Variants in SLC35D4 observed in about 807,000 individuals in gnomAD.
SLC35D4 encodes solute carrier family 35 member D4, also known as UDP-N-acetylglucosamine transporter SLC35D4.
At chr18:23,309,005 C>T in the SLC35D4 span, among the ~76,000 whole-genome samples, 1 of 151,964 alleles carries the variant, frequency 6.6e-6, no homozygotes, top group Non-Finnish European at 1.5e-5. Flanking sequence ...AACCCATGCA[C>T]ATCCTCCTGT....
the SLC35D4 span, chr18:23,365,512 C>T: frequency 4.3e-6 from 5 of 1,158,700 alleles, no homozygotes; most frequent in Non-Finnish European, 6.1e-6. Context: ...GACCTTCCTG[C>T]CCTCTCAGTC....
At chr18:23,330,442 A>G in the SLC35D4 span, among the ~76,000 whole-genome samples, 1 of 152,140 alleles carries the variant, frequency 6.6e-6, no homozygotes, top group Non-Finnish European at 1.5e-5. Context: ...TAGAGATGTC[A>G]TGGGTCAAAA....
chr18:23,346,679 C>T, the SLC35D4 span, among the ~76,000 whole-genome samples: 1 of 152,132 alleles, frequency 6.6e-6, no homozygotes, highest in Non-Finnish European at 1.5e-5. Flanking sequence ...AGGATTTTCA[C>T]AGATTTTATC....
the SLC35D4 span, among the ~76,000 whole-genome samples, chr18:23,279,721 G>C: frequency 6.6e-6 from 1 of 152,086 alleles, no homozygotes; most frequent in East Asian, 1.9e-4. Context: ...CCCTGCTGAG[G>C]CCTTGAATTT....
the SLC35D4 span, among the ~76,000 whole-genome samples, chr18:23,238,540 A>G: frequency 1.3e-5 from 2 of 152,224 alleles, no homozygotes; most frequent in Non-Finnish European, 2.9e-5. Flanking sequence ...CTTCCACTCT[A>G]TGATCTGTTT....
chr18:23,345,481 CAAAAAAAA>C, the SLC35D4 span, among the ~76,000 whole-genome samples: 2 of 57,248 alleles, frequency 3.5e-5, no homozygotes, highest in East Asian at 1.3e-3. Flanking sequence ...GACTCCATCT[CAAAAAAAA>C]AAAAAAAAAA....
At chr18:23,377,633 G>A in the SLC35D4 span, 34 of 1,574,118 alleles carry the variant, frequency 2.2e-5, no homozygotes, top group Non-Finnish European at 2.9e-5. Flanking sequence ...TGGGGGGAGG[G>A]CAGTAAACTT....
the SLC35D4 span, among the ~76,000 whole-genome samples, chr18:23,332,523 T>G: frequency 2.0e-5 from 3 of 152,236 alleles, no homozygotes; most frequent in Non-Finnish European, 4.4e-5. Context: ...ACCATTCTTT[T>G]GGGTGTGTGA....
the SLC35D4 span, among the ~76,000 whole-genome samples, chr18:23,384,474 C>T: frequency 6.6e-6 from 1 of 152,180 alleles, no homozygotes; most frequent in Admixed American, 6.5e-5. Context: ...AGTTACTTAA[C>T]AGTGATAGTT....
chr18:23,253,109 C>A, the SLC35D4 span: 1 of 1,063,608 alleles, frequency 9.4e-7, no homozygotes, highest in South Asian at 1.3e-5. Flanking sequence ...CCTGCAAACC[C>A]CTCTTTCCAC....
At chr18:23,312,923 C>G in the SLC35D4 span, among the ~76,000 whole-genome samples, 1 of 151,864 alleles carries the variant, frequency 6.6e-6, no homozygotes, top group East Asian at 1.9e-4. Context: ...GTCAGGAGAT[C>G]AAGACCATCC....
chr18:23,283,547 C>G, the SLC35D4 span, among the ~76,000 whole-genome samples: 3 of 151,132 alleles, frequency 2.0e-5, no homozygotes, highest in Non-Finnish European at 4.4e-5. Flanking sequence ...CAGTGGCTCA[C>G]GCCTCTAATC....
the SLC35D4 span, among the ~76,000 whole-genome samples, chr18:23,408,290 C>T: frequency 1.3e-5 from 2 of 152,176 alleles, no homozygotes; most frequent in African/African-American, 4.8e-5. Context: ...AATGCCAGTT[C>T]CACAAGGGCA....
At chr18:23,299,469 GGATTCAC>G in the SLC35D4 span, among the ~76,000 whole-genome samples, 1 of 152,182 alleles carries the variant, frequency 6.6e-6, no homozygotes, top group Non-Finnish European at 1.5e-5. Context: ...TTTGGTCACC[GGATTCAC>G]ATGCGTCTCC....
chr18:23,388,882 T>C, the SLC35D4 span, among the ~76,000 whole-genome samples: 1 of 152,144 alleles, frequency 6.6e-6, no homozygotes, highest in Non-Finnish European at 1.5e-5. Flanking sequence ...CCTTCCACCA[T>C]GATTGTAAGT....
chr18:23,277,194 C>T, the SLC35D4 span, among the ~76,000 whole-genome samples: 1 of 152,178 alleles, frequency 6.6e-6, no homozygotes, highest in Non-Finnish European at 1.5e-5. Flanking sequence ...TGGCATAATT[C>T]CCACATGTTG....
chr18:23,307,643 C>T, the SLC35D4 span, among the ~76,000 whole-genome samples: 2 of 152,238 alleles, frequency 1.3e-5, no homozygotes, highest in Admixed American at 1.3e-4. Context: ...GAGCCCGGGG[C>T]GCTGGTCACA....
At chr18:23,405,881 A>AG in the SLC35D4 span, among the ~76,000 whole-genome samples, 1 of 152,230 alleles carries the variant, frequency 6.6e-6, no homozygotes, top group African/African-American at 2.4e-5. Flanking sequence ...TTCAATAGTT[A>AG]GTCACCTGGT....
chr18:23,398,512 T>A, the SLC35D4 span, among the ~76,000 whole-genome samples: 1 of 152,182 alleles, frequency 6.6e-6, no homozygotes, highest in Admixed American at 6.6e-5. Context: ...GCAAGCCTCG[T>A]GGTCTGAGCT....
Sources: allele counts gnomAD v4.1 joint callset (sites outside exome capture counted in the v4.1 genomes callset), GRCh38; gene constraint gnomAD v4.1.1; transcripts MANE v1.5; gene names NCBI Gene and HGNC (gene_info 2026-07-23, HGNC 2026-07-21).